Variants in RPAP2 observed in about 807,000 individuals in gnomAD.
RPAP2 encodes the protein RNA polymerase II associated protein 2, also known as putative RNA polymerase II subunit B1 CTD phosphatase RPAP2.
In RPAP2, 52 loss-of-function variants were observed where a neutral mutation model predicts 73.1. The ratio of observed to expected loss-of-function variants is 0.71; its 90% CI spans 0.57 to 0.90. RPAP2 has a LOEUF of 0.90. Ranked by LOEUF, RPAP2 falls within the 40% of genes least tolerant of loss-of-function variation. RPAP2 has a pLI of 0.00. For missense variants in RPAP2, 598 were observed against 701.8 expected (o/e 0.85, Z 1.67); for synonymous variants, 225 against 242.1 (o/e 0.93, Z 0.65).
At chr1:92,318,978 A>G (rs190230758) in intron 6 of RPAP2, among the ~76,000 whole-genome samples, 1 of 152,316 alleles carries the variant, frequency 6.6e-6, no homozygotes, top group African/African-American at 2.4e-5. Flanking sequence ...GGGCTGTATG[A>G]TCAAAGGATT....
intron 12 of RPAP2, among the ~76,000 whole-genome samples, chr1:92,383,926 T>C (rs1164273792): frequency 2.0e-5 from 3 of 151,324 alleles, no homozygotes; most frequent in African/African-American, 4.9e-5. Context: ...ATGTCTGTCA[T>C]TTAATATTTA....
In RPAP2 at chr1:92,392,383, T is replaced by G. The variant is rs1656077421; in HGVS notation, c.*5372T>G. 1 of 152,112 alleles carries G rather than the reference T, an allele frequency of 6.6e-6. No homozygotes were observed. Among genetic ancestry groups the G allele is most frequent in the African/African-American group, 2.4e-5 (1 of 41,422 alleles). 9.4% of individuals were successfully genotyped at this position (152,112 alleles called of 1,614,324 possible). ...AAACTAGGTATTGATGGAATGTATC[T>G]CAATATAATAAGAGGTTATTTATGA... On this transcript the variant is annotated 3_prime_UTR_variant, in exon 13 of 13. Coordinates refer to ENST00000610020, the MANE Select transcript of RPAP2 (RefSeq NM_024813.3).
intron 10 of RPAP2, among the ~76,000 whole-genome samples, chr1:92,341,554 C>G (rs1237821641): frequency 6.6e-6 from 1 of 152,152 alleles, no homozygotes; most frequent in African/African-American, 2.4e-5. Flanking sequence ...AGTGATAATA[C>G]AGCAGACACT....
intron 11 of RPAP2, among the ~76,000 whole-genome samples, chr1:92,358,246 C>T (rs1654581548): frequency 6.6e-6 from 1 of 152,214 alleles, no homozygotes; most frequent in African/African-American, 2.4e-5. Context: ...TCATCTCACA[C>T]CATCCTACCT....
chr1:92,375,362 G>C (rs1435387133), intron 11 of RPAP2, among the ~76,000 whole-genome samples: 1 of 152,282 alleles, frequency 6.6e-6, no homozygotes, highest in East Asian at 1.9e-4. Flanking sequence ...GTACACAGGG[G>C]TTCTGTAACT....
At chr1:92,315,657 T>C (rs1651862097) in intron 6 of RPAP2, among the ~76,000 whole-genome samples, 1 of 152,202 alleles carries the variant, frequency 6.6e-6, no homozygotes, top group South Asian at 2.1e-4. Flanking sequence ...GCTCACTACC[T>C]CATTGGTATA....
chr1:92,342,799 A>G (rs1385786381), intron 10 of RPAP2, among the ~76,000 whole-genome samples: 1 of 152,102 alleles, frequency 6.6e-6, no homozygotes, highest in Non-Finnish European at 1.5e-5. Context: ...TTGTGGCCTG[A>G]GCAACTGGAT....
chr1:92,339,650 A>T (rs1327958681), intron 10 of RPAP2, among the ~76,000 whole-genome samples: 1 of 151,550 alleles, frequency 6.6e-6, no homozygotes, highest in Admixed American at 6.6e-5. Context: ...ACATCTAAGG[A>T]CCTCTTTATT....
chr1:92,383,810 G>A (rs1655751984), intron 12 of RPAP2, among the ~76,000 whole-genome samples: 1 of 152,084 alleles, frequency 6.6e-6, no homozygotes, highest in African/African-American at 2.4e-5. Context: ...TGTTGAATAG[G>A]AGTGGTGAGA....
At chr1:92,378,180 T>G (rs1557632604) in intron 11 of RPAP2, among the ~76,000 whole-genome samples, 1 of 151,446 alleles carries the variant, frequency 6.6e-6, no homozygotes, top group Non-Finnish European at 1.5e-5. Context: ...AGTACCACTT[T>G]ATTTATTCAT....
intron 2 of RPAP2, 84 bp downstream of exon 2, chr1:92,300,323 C>A: frequency 1.2e-6 from 1 of 831,678 alleles, no homozygotes; most frequent in Non-Finnish European, 1.8e-6. Flanking sequence ...TAATGGTTAC[C>A]TTTTTTTTTT....
At chr1:92,383,549 C>T (rs978652063) in intron 12 of RPAP2, among the ~76,000 whole-genome samples, 7 of 152,312 alleles carry the variant, frequency 4.6e-5, no homozygotes, top group South Asian at 2.1e-4. Context: ...TGGGAGTTCA[C>T]TCATGATTTG....
chr1:92,310,443 A>T (rs1651523858), intron 6 of RPAP2, among the ~76,000 whole-genome samples: 1 of 152,200 alleles, frequency 6.6e-6, no homozygotes, highest in Admixed American at 6.5e-5. Flanking sequence ...GGGATACAAT[A>T]TCCTGAGTCA....
rs991612345 is a variant in RPAP2, at chr1:92,307,762, T to C, written c.488+486T>C. ...TGTAAAAAGAGTTTATGGGCAATGC[T>C]GGAGTTTAGCCTCTTGGGAAATGAT... On this transcript the variant is annotated intron_variant, in intron 6 of 12. Coordinates refer to ENST00000610020, the MANE Select transcript of RPAP2 (RefSeq NM_024813.3). Among the ~76,000 whole-genome samples, 9 of 152,078 alleles carry C rather than the reference T, an allele frequency of 5.9e-5. No individual in the cohort carries two copies. The East Asian group carries it at 1.5e-3, about 26-fold the overall frequency.
intron 5 of RPAP2, among the ~76,000 whole-genome samples, chr1:92,305,450 A>AAAAAAAAAAC (rs1202528088): frequency 0.019 from 2,658 of 141,754 alleles, 311 homozygotes; most frequent in African/African-American, 0.075. Flanking sequence ...AAAAAAAAAA[A>AAAAAAAAAAC]AGACAATATG....
intron 11 of RPAP2, among the ~76,000 whole-genome samples, chr1:92,376,605 G>A (rs1655396723): frequency 6.6e-6 from 1 of 152,152 alleles, no homozygotes; most frequent in Non-Finnish European, 1.5e-5. Context: ...CAGACTTTGT[G>A]TGATTTCTCT....
At chr1:92,383,861 C>T (rs1019385418) in intron 12 of RPAP2, among the ~76,000 whole-genome samples, 4 of 152,108 alleles carry the variant, frequency 2.6e-5, no homozygotes, top group African/African-American at 9.7e-5. Context: ...AAAGAGAATG[C>T]TTCCAGTTTT....
At chr1:92,373,193 GA>G (rs2101428378) in intron 11 of RPAP2, among the ~76,000 whole-genome samples, 1 of 94,290 alleles carries the variant, frequency 1.1e-5, no homozygotes, top group East Asian at 2.8e-3. Context: ...ACTGAGGATG[GA>G]TTTTTAGAGG....
chr1:92,376,908 CCTTT>C (rs1655405115), intron 11 of RPAP2, among the ~76,000 whole-genome samples: 1 of 152,094 alleles, frequency 6.6e-6, no homozygotes, highest in Non-Finnish European at 1.5e-5. Flanking sequence ...ATTTTTTATG[CCTTT>C]ATTTCCTTGT....
Sources: allele counts gnomAD v4.1 joint callset (sites outside exome capture counted in the v4.1 genomes callset), GRCh38; gene constraint gnomAD v4.1.1; transcripts MANE v1.5; gene names NCBI Gene and HGNC (gene_info 2026-07-23, HGNC 2026-07-21).